Variants in ANO2 observed in about 807,000 individuals in gnomAD.
ANO2 encodes the protein anoctamin-2.
ANO2 carries 101 observed loss-of-function variants against 124.2 expected under a neutral mutation model. That is an observed-to-expected ratio of 0.81 (90% CI 0.69 to 0.96). The LOEUF is 0.96. Among genes scored for constraint, ANO2 ranks in the 40% least tolerant of loss-of-function variants. The pLI is 0.00. For missense variants in ANO2, 1,293 were observed against 1,274.5 expected, an observed-to-expected ratio of 1.01 and a Z score of -0.22; for synonymous variants, 486 against 482.5, an observed-to-expected ratio of 1.01 and a Z score of -0.09.
chr12:5,851,592 G>C (rs747455148), intron 4 of ANO2, among the ~76,000 whole-genome samples: 1 of 151,800 alleles, frequency 6.6e-6, no homozygotes, highest in Non-Finnish European at 1.5e-5. Context: ...AGTTGAGGCA[G>C]GAGAATTGCT....
chr12:5,782,229 C>G (rs1952421161), intron 10 of ANO2, among the ~76,000 whole-genome samples: 2 of 152,132 alleles, frequency 1.3e-5, no homozygotes, highest in Non-Finnish European at 2.9e-5. Flanking sequence ...TTCCCAGACC[C>G]TACTGTCTGA....
At chr12:5,726,363 C>T in intron 14 of ANO2, among the ~76,000 whole-genome samples, 1 of 152,214 alleles carries the variant, frequency 6.6e-6, no homozygotes, top group East Asian at 1.9e-4. Context: ...GCGAATTTGT[C>T]TCTCACCCAT....
intron 14 of ANO2, among the ~76,000 whole-genome samples, chr12:5,721,750 T>C (rs1394840947): frequency 6.6e-6 from 1 of 152,154 alleles, no homozygotes; most frequent in East Asian, 1.9e-4. Flanking sequence ...TCAAGCAGTC[T>C]GCCCGCCTCA....
chr12:5,617,217 A>T (rs557262596), intron 16 of ANO2, among the ~76,000 whole-genome samples: 27 of 134,924 alleles, frequency 2.0e-4, no homozygotes, highest in African/African-American at 7.2e-4. Flanking sequence ...CAAGATCACA[A>T]TGTACCACAC....
chr12:5,719,621 C>T (rs1950148016), intron 14 of ANO2, among the ~76,000 whole-genome samples: 1 of 152,178 alleles, frequency 6.6e-6, no homozygotes, highest in African/African-American at 2.4e-5. Context: ...GACAACAGCC[C>T]TTATCAAATA....
chr12:5,937,269 ATATCTCACTG>A (rs1942688704), intron 1 of ANO2, among the ~76,000 whole-genome samples: 3 of 152,184 alleles, frequency 2.0e-5, no homozygotes, highest in Admixed American at 2.0e-4. Context: ...GTATGCGATG[ATATCTCACTG>A]TAGTTTTGAT....
intron 14 of ANO2, among the ~76,000 whole-genome samples, chr12:5,718,167 G>A (rs530331674): frequency 3.0e-4 from 46 of 152,342 alleles, no homozygotes; most frequent in Middle Eastern, 3.4e-3. Flanking sequence ...TGTGCTCCAC[G>A]TTCTGAAACA....
intron 7 of ANO2, among the ~76,000 whole-genome samples, chr12:5,810,404 G>C (rs1016698204): frequency 9.9e-5 from 15 of 152,190 alleles, no homozygotes; most frequent in African/African-American, 3.6e-4. Flanking sequence ...AAGAGTCCCT[G>C]CTTTGAAAAT....
intron 3 of ANO2, among the ~76,000 whole-genome samples, chr12:5,914,091 T>C (rs1941226122): frequency 6.6e-6 from 1 of 151,966 alleles, no homozygotes; most frequent in South Asian, 2.1e-4. Flanking sequence ...TCCCAGCTAC[T>C]CAGGAGGCTG....
At chr12:5,865,585 T>C (rs993218177) in intron 3 of ANO2, among the ~76,000 whole-genome samples, 2 of 147,356 alleles carry the variant, frequency 1.4e-5, no homozygotes, top group Non-Finnish European at 3.0e-5. Flanking sequence ...ATTCATACCA[T>C]CATGCCACCA....
At chr12:5,718,007 C>T (rs1226521748) in intron 14 of ANO2, among the ~76,000 whole-genome samples, 1 of 152,158 alleles carries the variant, frequency 6.6e-6, no homozygotes, top group Non-Finnish European at 1.5e-5. Flanking sequence ...GTAAGGAAAC[C>T]ACTAAACACA....
rs115250740 is a variant in ANO2 at position 5,933,050 on chromosome 12, T to C, written c.23-10246A>G. On this transcript the variant is annotated intron_variant, in intron 1 of 24. Coordinates refer to ENST00000682330, the MANE Select transcript of ANO2 (RefSeq NM_001364791.2). ...GCAATGACTGCTAGCCTCCTCACCCTCATTTTCTGCCTGCGGAGTCCCCAC... is the reference window on the plus strand; with the variant it reads ...GCAATGACTGCTAGCCTCCTCACCCCCATTTTCTGCCTGCGGAGTCCCCAC... Among the ~76,000 whole-genome samples the C allele has an allele frequency of 5.4e-3, 825 of 152,288 alleles. 7 individuals carry two copies. Among genetic ancestry groups the C allele is most frequent in the African/African-American group, 0.018 (768 of 41,546 alleles).
At position 5,925,344 on chromosome 12, in the gene ANO2, T is replaced by C. The variant is rs908739654; in HGVS notation, c.23-2540A>G. On this transcript the variant is annotated intron_variant, in intron 1 of 24. Coordinates refer to ENST00000682330, the MANE Select transcript of ANO2 (RefSeq NM_001364791.2). This position sits in a 1 kb window ranked among gnomAD's most constrained non-coding sequence, Gnocchi z 4.6. The stretch of plus-strand genomic sequence containing the variant: ...TGACATTCAGGGCCCTCACTAGCCA[T>C]CGCAGTTGCTCCCCCGGCTCGCTCT... 3.9e-5 allele frequency among the ~76,000 whole-genome samples: 6 copies of C among 152,174 alleles called. No individual in the cohort carries two copies. Among genetic ancestry groups the C allele is most frequent in the African/African-American group, 1.2e-4 (5 of 41,436 alleles).
chr12:5,873,982 A>C (rs1362962157), intron 3 of ANO2, among the ~76,000 whole-genome samples: 1 of 152,222 alleles, frequency 6.6e-6, no homozygotes, highest in East Asian at 1.9e-4. Flanking sequence ...TCCCATCTGC[A>C]TACTTGGGCA....
At position 5,832,473 on chromosome 12, in the gene ANO2, A is replaced by C; in HGVS notation, c.764T>G (p.Phe255Cys). Residue 255 changes from phenylalanine to cysteine, a missense_variant, in exon 5 of 25, where the codon TTC becomes TGC. Transcript: ENST00000682330. Reference sequence around the variant, plus strand: ...TCACAGGTACATCTTCTCCCTGGAGAATGGGTAGGAGAGGTTTTTCATCTT... The same window carrying C: ...TCACAGGTACATCTTCTCCCTGGAGCATGGGTAGGAGAGGTTTTTCATCTT... ...NNKMKNLSYPFSREKMYLYNI... is the reference protein window; with the variant it reads ...NNKMKNLSYPCSREKMYLYNI... 1.2e-6 allele frequency: 2 copies of C among 1,613,740 alleles called. No individual in the cohort carries two copies. The highest frequency in any genetic ancestry group is 1.7e-6 in the Non-Finnish European group (2 of 1,179,798).
chr12:5,595,026 C>T lies in ANO2; in HGVS notation c.2233+4458G>A, dbSNP rs536944086. On this transcript the variant is annotated intron_variant, in intron 20 of 24. Transcript: ENST00000682330. ...CAGCTGGAAACCTCTTCAGAACATC[C>T]GTAGTTCACCATCAATTAAGCCCTG... Among the ~76,000 whole-genome samples the T allele has an allele frequency of 4.6e-5, 7 of 152,288 alleles. No individual in the cohort carries two copies. The East Asian group carries it at 5.8e-4, about 13-fold the overall frequency.
At chr12:5,677,084 A>G (rs950117722) in intron 14 of ANO2, among the ~76,000 whole-genome samples, 13 of 147,164 alleles carry the variant, frequency 8.8e-5, no homozygotes, top group African/African-American at 3.2e-4. Flanking sequence ...AGAAGGAAAC[A>G]TAGGAGCTTC....
At chr12:5,646,914 CAG>C (rs34989783) in intron 15 of ANO2, among the ~76,000 whole-genome samples, 21,599 of 152,080 alleles carry the variant, frequency 0.14, 1,928 homozygotes, top group African/African-American at 0.25. Context: ...AGGCCAGAGT[CAG>C]AGTTACAACA....
At chr12:5,916,474 A>G (rs1050627872) in intron 3 of ANO2, among the ~76,000 whole-genome samples, 1 of 141,784 alleles carries the variant, frequency 7.1e-6, no homozygotes, top group Non-Finnish European at 1.6e-5. Context: ...AACTCTGAAT[A>G]GAAAAATCGC....
Sources: allele counts gnomAD v4.1 joint callset (sites outside exome capture counted in the v4.1 genomes callset), GRCh38; gene constraint gnomAD v4.1.1; non-coding constraint Gnocchi (gnomAD v3.1); transcripts MANE v1.5; gene names NCBI Gene and HGNC (gene_info 2026-07-23, HGNC 2026-07-21).